Variants in PDE4D observed in about 807,000 individuals in gnomAD.
PDE4D encodes phosphodiesterase 4D.
PDE4D carries 24 observed loss-of-function variants against 87.4 expected under a neutral mutation model. The observed-to-expected ratio is 0.27, with a 90% CI of 0.20 to 0.39. The LOEUF (loss-of-function observed/expected upper bound fraction) is 0.39. Among genes scored for constraint, PDE4D ranks in the 10% least tolerant of loss-of-function variants. The probability of loss-of-function intolerance (pLI) is 1.00; values close to 1 mark genes in which losing one functional copy is unlikely to be tolerated. For missense variants in PDE4D, 714 were observed against 1,041.0 expected (o/e 0.69, Z 4.32); for synonymous variants, 384 against 383.2 (o/e 1.00, Z -0.02).
chr5:60,213,449 C>T (rs1743483778), intron 1 of PDE4D, among the ~76,000 whole-genome samples: 2 of 152,120 alleles, frequency 1.3e-5, no homozygotes, highest in African/African-American at 2.4e-5. Flanking sequence ...CAAAGGTTCA[C>T]GGGCAGCCTT....
chr5:59,907,694 T>C (rs998808162), intron 3 of PDE4D, among the ~76,000 whole-genome samples: 1 of 152,174 alleles, frequency 6.6e-6, no homozygotes, highest in Non-Finnish European at 1.5e-5. Flanking sequence ...CTTGTCATCT[T>C]TGAGCGAAAA....
chr5:59,916,390 G>A (rs1481615611), intron 3 of PDE4D, among the ~76,000 whole-genome samples: 1 of 152,162 alleles, frequency 6.6e-6, no homozygotes, highest in Admixed American at 6.5e-5. Flanking sequence ...TGTGAGAAAA[G>A]TTTTGAATTT....
intron 1 of PDE4D, among the ~76,000 whole-genome samples, chr5:59,692,049 C>A (rs1751039838): frequency 6.6e-6 from 1 of 152,028 alleles, no homozygotes; most frequent in Non-Finnish European, 1.5e-5. Context: ...AGGAAGAATT[C>A]ATAGGTTTCA....
At chr5:59,137,631 A>G (rs890493459) in intron 5 of PDE4D, among the ~76,000 whole-genome samples, 11 of 149,940 alleles carry the variant, frequency 7.3e-5, no homozygotes, top group East Asian at 2.0e-4. Context: ...GGTTCACGCC[A>G]TTCTCCTGCC....
In PDE4D at chr5:59,692,279, C is replaced by T. The variant is rs77141313; in HGVS notation, c.455+200889G>A. 3.9e-5 allele frequency among the ~76,000 whole-genome samples: 6 copies of T among 151,966 alleles called. No homozygotes were observed. In the East Asian group the frequency reaches 9.6e-4, roughly 24 times the overall value. ...TCTTCTTGGGAGGGTCTTAAGGATC[C>T]GCTTTTTATTGTTGTATTCTTTGTT... On this transcript the variant is annotated intron_variant, in intron 1 of 14. Transcript: ENST00000340635.
At chr5:59,172,343 A>G (rs1370391417) in intron 5 of PDE4D, among the ~76,000 whole-genome samples, 2 of 134,314 alleles carry the variant, frequency 1.5e-5, no homozygotes, top group Non-Finnish European at 3.1e-5. Context: ...AATATATTAT[A>G]TATTATATAT....
chr5:59,208,907 T>C (rs1749446274), intron 2 of PDE4D, among the ~76,000 whole-genome samples: 1 of 152,170 alleles, frequency 6.6e-6, no homozygotes, highest in African/African-American at 2.4e-5. Context: ...ATTTAATAGC[T>C]AGTATTAATG....
At chr5:60,223,925 A>G (rs1744786325) in intron 1 of PDE4D, among the ~76,000 whole-genome samples, 1 of 152,106 alleles carries the variant, frequency 6.6e-6, no homozygotes, top group Admixed American at 6.6e-5. Context: ...GGATATTCCC[A>G]GTGAAATGAA....
At chr5:59,972,516 A>G (rs541866292) in intron 3 of PDE4D, among the ~76,000 whole-genome samples, 1 of 152,384 alleles carries the variant, frequency 6.6e-6, no homozygotes, top group African/African-American at 2.4e-5. Context: ...GTAAAAACTG[A>G]AACCAAAATA....
intron 1 of PDE4D, among the ~76,000 whole-genome samples, chr5:59,276,703 T>G (rs1764888732): frequency 6.6e-6 from 1 of 152,130 alleles, no homozygotes; most frequent in South Asian, 2.1e-4. Context: ...AAACCTTATT[T>G]TTTTTTAAAA....
intron 11 of PDE4D, among the ~76,000 whole-genome samples, chr5:58,986,539 C>A (rs527775792): frequency 6.9e-4 from 105 of 152,322 alleles, no homozygotes; most frequent in African/African-American, 2.3e-3. Context: ...GTCAGATCAG[C>A]AGGGACATTA....
intron 1 of PDE4D, among the ~76,000 whole-genome samples, chr5:60,392,855 C>G (rs184697897): frequency 6.6e-6 from 1 of 152,332 alleles, no homozygotes; most frequent in African/African-American, 2.4e-5. Flanking sequence ...CTCTCATGAT[C>G]AAACATTTCT....
rs571038280 is a variant in PDE4D, at chr5:59,275,461, C to A, written c.456-59493G>T. On this transcript the variant is annotated intron_variant, in intron 1 of 14. Coordinates refer to ENST00000340635, the MANE Select transcript of PDE4D (RefSeq NM_001104631.2). ...AACTATTCTGATTAATACATTCTAACTGTCTTTCTGCAAAGAAGATTTTAA... is the reference window on the plus strand; with the variant it reads ...AACTATTCTGATTAATACATTCTAAATGTCTTTCTGCAAAGAAGATTTTAA... The A allele has an allele frequency of 2.6e-6, 4 of 1,567,488 alleles. No individual in the cohort carries two copies. The East Asian group carries it at 6.8e-5, about 27-fold the overall frequency.
At chr5:60,156,693 G>A (rs1291996465) in intron 2 of PDE4D, among the ~76,000 whole-genome samples, 1 of 151,972 alleles carries the variant, frequency 6.6e-6, no homozygotes, top group Non-Finnish European at 1.5e-5. Flanking sequence ...AATCTTACCT[G>A]CCCTAGTTTC....
chr5:59,874,836 T>C (rs1460866966), intron 1 of PDE4D, among the ~76,000 whole-genome samples: 1 of 152,188 alleles, frequency 6.6e-6, no homozygotes, highest in Non-Finnish European at 1.5e-5. Flanking sequence ...ATGATTCAAT[T>C]TCAATTTTTC....
intron 1 of PDE4D, among the ~76,000 whole-genome samples, chr5:59,664,081 TAG>T (rs1329856258): frequency 6.6e-6 from 1 of 152,214 alleles, no homozygotes; most frequent in African/African-American, 2.4e-5. Context: ...AAGAAATTTA[TAG>T]AGTTAGTGAG....
chr5:59,611,965 C>T (rs553033766), intron 1 of PDE4D, among the ~76,000 whole-genome samples: 1 of 152,310 alleles, frequency 6.6e-6, no homozygotes, highest in African/African-American at 2.4e-5. Flanking sequence ...ACTAATTTCC[C>T]TAGAGCTTCT....
At chr5:60,279,093 C>T (rs1397656695) in intron 1 of PDE4D, among the ~76,000 whole-genome samples, 1 of 152,190 alleles carries the variant, frequency 6.6e-6, no homozygotes, top group African/African-American at 2.4e-5. Flanking sequence ...ATGATTTCCA[C>T]ATGGATGCAA....
chr5:59,003,456 T>C (rs1415191098), intron 6 of PDE4D, among the ~76,000 whole-genome samples: 1 of 152,234 alleles, frequency 6.6e-6, no homozygotes, highest in African/African-American at 2.4e-5. Context: ...CTCAGTCAGA[T>C]TTAAATCATT....
Sources: allele counts gnomAD v4.1 joint callset (sites outside exome capture counted in the v4.1 genomes callset), GRCh38; gene constraint gnomAD v4.1.1; transcripts MANE v1.5; gene names NCBI Gene and HGNC (gene_info 2026-07-23, HGNC 2026-07-21).